Variants in UBE2H observed in about 807,000 individuals in gnomAD.
The protein encoded by UBE2H is ubiquitin-conjugating enzyme E2 H.
Under a neutral mutation model 29.0 loss-of-function variants are expected in UBE2H, and 3 were observed. That is an observed-to-expected ratio of 0.10 (90% CI 0.05 to 0.27). The LOEUF (loss-of-function observed/expected upper bound fraction) is 0.27. UBE2H is among the 10% of genes least tolerant of loss of function. UBE2H has a pLI of 1.00. For synonymous variants in UBE2H, 69 were observed against 82.9 expected (o/e 0.83, Z 0.91); for missense variants, 68 against 228.2 (o/e 0.30, Z 4.52).
chr7:129,926,508 CAAAAAAAA>C (rs535498835), intron 1 of UBE2H, among the ~76,000 whole-genome samples: 14 of 124,954 alleles, frequency 1.1e-4, no homozygotes, highest in Admixed American at 1.1e-3. Context: ...AACTCCGTCT[CAAAAAAAA>C]AAAAAGAAAA....
intron 3 of UBE2H, among the ~76,000 whole-genome samples, chr7:129,859,549 TA>T (rs1373187656): frequency 6.6e-6 from 1 of 151,966 alleles, no homozygotes; most frequent in Admixed American, 6.6e-5. Flanking sequence ...AGCAAGGAGT[TA>T]AAAAAAATAC....
intron 1 of UBE2H, among the ~76,000 whole-genome samples, chr7:129,920,999 T>TA (rs11297393): frequency 3.3e-5 from 5 of 149,254 alleles, no homozygotes; most frequent in African/African-American, 1.2e-4. Flanking sequence ...TCTCTGCCTC[T>TA]AAAAAAAAAA....
At chr7:129,925,396 G>GA (rs993463595) in intron 1 of UBE2H, among the ~76,000 whole-genome samples, 31 of 151,264 alleles carry the variant, frequency 2.0e-4, no homozygotes, top group Admixed American at 1.5e-3. Flanking sequence ...TCTCCAGGTG[G>GA]AAAAAAAACA....
chr7:129,899,711 G>C (rs979407668), intron 1 of UBE2H, among the ~76,000 whole-genome samples: 5 of 152,150 alleles, frequency 3.3e-5, no homozygotes, highest in Non-Finnish European at 5.9e-5. Context: ...TCCAGAACCT[G>C]ATCAGAAAAA....
chr7:129,931,587 C>G (rs1448883156), intron 1 of UBE2H, among the ~76,000 whole-genome samples: 2 of 151,944 alleles, frequency 1.3e-5, no homozygotes, highest in African/African-American at 4.8e-5. Flanking sequence ...TTGCAACTCT[C>G]TTTAATATCC....
chr7:129,945,894 C>T (rs1399802923), intron 1 of UBE2H, among the ~76,000 whole-genome samples: 2 of 152,042 alleles, frequency 1.3e-5, no homozygotes, highest in African/African-American at 2.4e-5. Flanking sequence ...TACAGGCATG[C>T]GCCACCACGC....
intron 1 of UBE2H, among the ~76,000 whole-genome samples, chr7:129,924,085 C>A (rs1013216295): frequency 2.6e-5 from 4 of 152,126 alleles, no homozygotes; most frequent in African/African-American, 9.7e-5. Flanking sequence ...ATAATTATAC[C>A]TTCAGGATGG....
intron 3 of UBE2H, among the ~76,000 whole-genome samples, chr7:129,868,935 CTTT>C (rs34258788): frequency 1.5e-4 from 18 of 119,814 alleles, no homozygotes; most frequent in East Asian, 7.0e-4. Context: ...CTCTCTCTCT[CTTT>C]TTTTTTTTTT....
intron 1 of UBE2H, among the ~76,000 whole-genome samples, chr7:129,893,531 C>G (rs574497775): frequency 3.9e-5 from 6 of 152,184 alleles, no homozygotes; most frequent in East Asian, 1.9e-4. Context: ...GAAACAGTTT[C>G]AGAGAGAGAA....
chr7:129,858,496 TC>T (rs1194114139), intron 4 of UBE2H, among the ~76,000 whole-genome samples: 1 of 152,182 alleles, frequency 6.6e-6, no homozygotes, highest in Non-Finnish European at 1.5e-5. Flanking sequence ...TAAATAAGAT[TC>T]ATTAACTGAA....
intron 2 of UBE2H, among the ~76,000 whole-genome samples, chr7:129,880,586 T>C (rs970396671): frequency 1.3e-5 from 2 of 152,180 alleles, no homozygotes; most frequent in African/African-American, 4.8e-5. Flanking sequence ...TTACAAGTAA[T>C]CTAGATGTGA....
intron 1 of UBE2H, among the ~76,000 whole-genome samples, chr7:129,913,816 T>C (rs1806988911): frequency 6.6e-6 from 1 of 150,812 alleles, no homozygotes; most frequent in Non-Finnish European, 1.5e-5. Flanking sequence ...GGGGAGAAAA[T>C]GGTTAAGAGC....
intron 5 of UBE2H, among the ~76,000 whole-genome samples, chr7:129,854,354 T>C (rs1348313321): frequency 1.3e-5 from 2 of 152,236 alleles, no homozygotes; most frequent in Non-Finnish European, 2.9e-5. Context: ...ATGTTGAATT[T>C]TCTTCAGAAA....
intron 1 of UBE2H, among the ~76,000 whole-genome samples, chr7:129,933,407 T>C (rs1807448818): frequency 6.6e-6 from 1 of 152,242 alleles, no homozygotes; most frequent in African/African-American, 2.4e-5. Flanking sequence ...ATAATTTGGA[T>C]GAGTTTAAGG....
intron 6 of UBE2H, among the ~76,000 whole-genome samples, chr7:129,836,080 G>C (rs1225085738): frequency 6.6e-6 from 1 of 152,198 alleles, no homozygotes; most frequent in Non-Finnish European, 1.5e-5. Flanking sequence ...TTGAGACTTA[G>C]AGCCCTTCAA....
chr7:129,907,097 GT>G (rs1274100603), intron 1 of UBE2H, among the ~76,000 whole-genome samples: 1 of 151,502 alleles, frequency 6.6e-6, no homozygotes, highest in Non-Finnish European at 1.5e-5. Context: ...CTGCTTAAAG[GT>G]TTATCATCAT....
chr7:129,843,252 G>A (rs1309846564), intron 5 of UBE2H, among the ~76,000 whole-genome samples: 2 of 152,028 alleles, frequency 1.3e-5, no homozygotes, highest in Non-Finnish European at 2.9e-5. Context: ...GCCCGCCTCG[G>A]CCTCCCAAAG....
intron 5 of UBE2H, among the ~76,000 whole-genome samples, chr7:129,852,525 C>T (rs527573098): frequency 6.6e-6 from 1 of 152,138 alleles, no homozygotes; most frequent in Non-Finnish European, 1.5e-5. Context: ...AGTATTCCTT[C>T]TGTTGTAGTC....
chr7:129,905,200 G>A (rs1806791351), intron 1 of UBE2H, among the ~76,000 whole-genome samples: 1 of 151,746 alleles, frequency 6.6e-6, no homozygotes, highest in African/African-American at 2.4e-5. Context: ...GAAGAAGAAT[G>A]AAAAAGAAAG....
Sources: allele counts gnomAD v4.1 joint callset (sites outside exome capture counted in the v4.1 genomes callset), GRCh38; gene constraint gnomAD v4.1.1; transcripts MANE v1.5; gene names NCBI Gene and HGNC (gene_info 2026-07-23, HGNC 2026-07-21).